COG5: variants seen among roughly 807,000 people sequenced by gnomAD.
COG5 encodes the protein component of oligomeric golgi complex 5, also known as conserved oligomeric Golgi complex subunit 5.
A neutral mutation model predicts 110.4 loss-of-function variants in COG5; 86 were observed. The ratio of observed to expected loss-of-function variants is 0.78; its 90% CI spans 0.65 to 0.93. The LOEUF (loss-of-function observed/expected upper bound fraction) is 0.93. Among genes scored for constraint, COG5 ranks in the 40% least tolerant of loss-of-function variants. The pLI is 0.00. For synonymous variants in COG5, 360 were observed against 334.6 expected (o/e 1.08, Z -0.83); for missense variants, 1,077 against 987.0 (o/e 1.09, Z -1.22).
intron 6 of COG5, among the ~76,000 whole-genome samples, chr7:107,435,262 G>T (rs1478584672): frequency 6.6e-6 from 1 of 152,074 alleles, no homozygotes; most frequent in Non-Finnish European, 1.5e-5. Context: ...AAACTGTGCA[G>T]TTAAAAATGA....
chr7:107,331,417 G>A (rs1694213865), intron 10 of COG5, among the ~76,000 whole-genome samples: 1 of 151,926 alleles, frequency 6.6e-6, no homozygotes, highest in Non-Finnish European at 1.5e-5. Context: ...GCAGTGAGCC[G>A]AGATCACAGC....
At chr7:107,314,832 A>G (rs535860387) in intron 11 of COG5, among the ~76,000 whole-genome samples, 11 of 152,330 alleles carry the variant, frequency 7.2e-5, no homozygotes, top group African/African-American at 2.6e-4. Flanking sequence ...TTGTTCTGCC[A>G]AACAGAACAT....
intron 1 of COG5, 101 bp downstream of exon 1, chr7:107,563,702 A>G: frequency 7.0e-7 from 1 of 1,422,098 alleles, no homozygotes; most frequent in African/African-American, 1.4e-5. Context: ...TCCAGACTGG[A>G]AAACTTTCTG....
At chr7:107,560,181 T>C (rs1563101096) in intron 1 of COG5, among the ~76,000 whole-genome samples, 1 of 152,220 alleles carries the variant, frequency 6.6e-6, no homozygotes, top group East Asian at 1.9e-4. Flanking sequence ...AAATCTACGA[T>C]GGTGAGAGTA....
intron 6 of COG5, among the ~76,000 whole-genome samples, chr7:107,522,297 T>G (rs1800385087): frequency 6.6e-6 from 1 of 152,174 alleles, no homozygotes; most frequent in Admixed American, 6.5e-5. Context: ...GGAGAAGCCC[T>G]GTCTCTACTA....
rs1584515788 is a variant in COG5 at position 107,203,371 on chromosome 7, G to A, written c.*145C>T. The A allele has an allele frequency of 1.4e-6, 1 of 696,486 alleles. No homozygotes were observed. Among genetic ancestry groups the A allele is most frequent in the Non-Finnish European group, 2.6e-6 (1 of 382,314 alleles). 43.1% of individuals were successfully genotyped at this position (696,486 alleles called of 1,614,324 possible). ...TTTATGCTAAAGTATAAGTGCTAAA[G>A]AGGTAAATAAACGTCGATAGGAAAT... On this transcript the variant is annotated 3_prime_UTR_variant, in exon 22 of 22. Transcript: ENST00000297135.
intron 7 of COG5, among the ~76,000 whole-genome samples, chr7:107,383,428 A>C (rs1362718512): frequency 6.6e-6 from 1 of 152,250 alleles, no homozygotes; most frequent in Non-Finnish European, 1.5e-5. Flanking sequence ...TGTTTCATGG[A>C]TAAAGGCCAG....
At chr7:107,556,070 G>A (rs1803295616) in intron 2 of COG5, among the ~76,000 whole-genome samples, 1 of 151,794 alleles carries the variant, frequency 6.6e-6, no homozygotes, top group African/African-American at 2.4e-5. Flanking sequence ...AGTAATAAAG[G>A]TCCTGAGACC....
At chr7:107,456,553 T>C (rs1007960824) in intron 6 of COG5, among the ~76,000 whole-genome samples, 2 of 152,124 alleles carry the variant, frequency 1.3e-5, no homozygotes, top group East Asian at 3.9e-4. Flanking sequence ...ACTCAATTAG[T>C]TGAAGGGACA....
intron 6 of COG5, among the ~76,000 whole-genome samples, chr7:107,487,951 T>G (rs1296162240): frequency 6.6e-6 from 1 of 152,120 alleles, no homozygotes; most frequent in Non-Finnish European, 1.5e-5. Flanking sequence ...ATAATGAATC[T>G]CAAGGTTATA....
chr7:107,378,674 A>G (rs1432793948), intron 7 of COG5, among the ~76,000 whole-genome samples: 4 of 152,226 alleles, frequency 2.6e-5, no homozygotes, highest in Non-Finnish European at 5.9e-5. Flanking sequence ...AAAAGATATA[A>G]AAGATTGAAG....
Position 107,475,367 on chromosome 7 carries a change from A to G in COG5, c.538+51870T>C, listed in dbSNP as rs145713962. The G allele has an allele frequency of 2.2e-3, 3,020 of 1,350,156 alleles. 50 individuals carry two copies. In the African/African-American group the frequency reaches 0.038, roughly 17 times the overall value. The allele number at this position is 1,350,156 out of a possible 1,614,324, so 83.6% of individuals were successfully genotyped here. A position where few individuals can be genotyped will look rare whatever the true frequency, so the allele number is the denominator to read the frequency against. On this transcript the variant is annotated intron_variant, in intron 6 of 21. Transcript: ENST00000297135. ...CCTCAGGTTGTCACAGACTAGAGAA[A>G]AGTCTCAGTTTCACCAAATCCACAT...
intron 14 of COG5, 72 bp from the exon 15 acceptor site, chr7:107,258,455 CACACACAT>C: frequency 2.4e-6 from 2 of 817,790 alleles, no homozygotes; most frequent in East Asian, 2.4e-5. Flanking sequence ...CTCTCTCACA[CACACACAT>C]ACACACACAC....
intron 7 of COG5, among the ~76,000 whole-genome samples, chr7:107,390,677 G>C (rs1451861387): frequency 6.6e-6 from 1 of 150,750 alleles, no homozygotes; most frequent in African/African-American, 2.4e-5. Flanking sequence ...CTCCTGGTTA[G>C]ACCCCCGCTC....
In COG5 at chr7:107,298,191, T is replaced by C. The variant is rs745522403; in HGVS notation, c.1264A>G (p.Met422Val). ...TTDLYVDLQH[M>V]EDDAQDIFIP... is the part of the protein sequence containing the mutation. The stretch of plus-strand genomic sequence containing the variant: ...AATATATCTTGTGCATCATCTTCCA[T>C]GTGTTGTAGGTCAACATAGAGGTCT... The change falls in exon 12 of 22, where the codon ATG becomes GTG. Residue 422 changes from methionine (M) to valine (V), a missense_variant. Met to Val is a conservative substitution (Grantham distance 21, BLOSUM62 1). Transcript: ENST00000297135. The C allele has an allele frequency of 2.1e-5, 34 of 1,613,004 alleles. No individual in the cohort carries two copies. Among genetic ancestry groups the C allele is most frequent in the Non-Finnish European group, 2.7e-5 (32 of 1,179,412 alleles).
intron 8 of COG5, among the ~76,000 whole-genome samples, chr7:107,364,355 C>A (rs1420099383): frequency 3.9e-5 from 6 of 152,182 alleles, no homozygotes; most frequent in Non-Finnish European, 5.9e-5. Context: ...AGCATGATCC[C>A]TGATTGGTTT....
chr7:107,557,612 A>G (rs1803416474), intron 2 of COG5, among the ~76,000 whole-genome samples: 1 of 152,224 alleles, frequency 6.6e-6, no homozygotes, highest in Non-Finnish European at 1.5e-5. Context: ...TTGTGCTAAT[A>G]AAGTATGAAT....
At position 107,554,335 on chromosome 7, in the gene COG5, G is replaced by A; in HGVS notation, c.242C>T (p.Ala81Val). The A allele has an allele frequency of 6.2e-7, 1 of 1,613,718 alleles. No individual in the cohort carries two copies. The highest frequency in any genetic ancestry group is 1.3e-5 in the African/African-American group (1 of 75,006). The stretch of plus-strand genomic sequence containing the variant: ...TTGTGCCAGTAAATCTTCATGTCTT[G>A]CAACAACCTGAAAATCAAAAATAAA... ...LDRELHLQVV[A>V]RHEDLLAQAT... Residue 81 changes from alanine (A) to valine (V), a missense_variant, in exon 3 of 22, where the codon GCA (alanine) becomes GTA (valine). Physicochemically the swap from Ala to Val is moderately conservative, Grantham distance 64. Transcript: ENST00000297135.
intron 6 of COG5, among the ~76,000 whole-genome samples, chr7:107,426,555 T>C (rs533323805): frequency 6.6e-6 from 1 of 152,178 alleles, no homozygotes; most frequent in Non-Finnish European, 1.5e-5. Flanking sequence ...TATCCTCATA[T>C]GGCAGAAGAG....
Sources: allele counts gnomAD v4.1 joint callset (sites outside exome capture counted in the v4.1 genomes callset), GRCh38; gene constraint gnomAD v4.1.1; transcripts MANE v1.5; gene names NCBI Gene and HGNC (gene_info 2026-07-23, HGNC 2026-07-21).